Variants in MEIS2 observed in about 807,000 individuals in gnomAD.
MEIS2 encodes homeobox protein Meis2.
MEIS2 carries 9 observed loss-of-function variants against 58.6 expected under a neutral mutation model. The ratio of observed to expected loss-of-function variants is 0.15; its 90% CI spans 0.09 to 0.27. The LOEUF (loss-of-function observed/expected upper bound fraction) is 0.27, where lower values mean the gene tolerates loss of function less well. Among genes scored for constraint, MEIS2 ranks in the 10% least tolerant of loss-of-function variants. The pLI is 1.00. For missense variants in MEIS2, 427 were observed against 635.0 expected (o/e 0.67, Z 3.52); for synonymous variants, 221 against 228.4 (o/e 0.97, Z 0.29).
chr15:36,934,666 T>C (rs1009668590), intron 9 of MEIS2, among the ~76,000 whole-genome samples: 150 of 152,240 alleles, frequency 9.9e-4, no homozygotes, highest in Admixed American at 6.3e-3. Context: ...GTATGAGCTT[T>C]GCCTAGCATG....
At chr15:36,905,724 A>G (rs1165481837) in intron 9 of MEIS2, among the ~76,000 whole-genome samples, 1 of 152,236 alleles carries the variant, frequency 6.6e-6, no homozygotes, top group African/African-American at 2.4e-5. Context: ...TACTTCACAT[A>G]AGACAAATTT....
At chr15:36,895,591 G>A (rs2056133876) in intron 10 of MEIS2, among the ~76,000 whole-genome samples, 1 of 152,170 alleles carries the variant, frequency 6.6e-6, no homozygotes, top group Non-Finnish European at 1.5e-5. Context: ...GTACCATTTG[G>A]TTGGGATTCT....
chr15:37,055,690 G>T (rs140759315), intron 7 of MEIS2, among the ~76,000 whole-genome samples: 1 of 152,050 alleles, frequency 6.6e-6, no homozygotes, highest in Non-Finnish European at 1.5e-5. Context: ...TTCTTTTCTC[G>T]CTAAGGTTCA....
chr15:37,044,330 G>A (rs1359971100), intron 7 of MEIS2, among the ~76,000 whole-genome samples: 1 of 152,170 alleles, frequency 6.6e-6, no homozygotes, highest in Non-Finnish European at 1.5e-5. Context: ...TTATGTCCTA[G>A]AGAGACACGG....
At chr15:36,905,047 T>C (rs557464162) in intron 9 of MEIS2, among the ~76,000 whole-genome samples, 2 of 152,168 alleles carry the variant, frequency 1.3e-5, no homozygotes, top group South Asian at 2.1e-4. Context: ...TGTGTGTGTG[T>C]GTGCACATGT....
At chr15:37,070,731 C>A (rs977774978) in intron 7 of MEIS2, among the ~76,000 whole-genome samples, 3 of 151,964 alleles carry the variant, frequency 2.0e-5, no homozygotes, top group African/African-American at 4.8e-5. Flanking sequence ...TTAATAATTG[C>A]AACAATGCTA....
At chr15:36,952,414 A>T (rs1243095786) in intron 8 of MEIS2, among the ~76,000 whole-genome samples, 2 of 152,182 alleles carry the variant, frequency 1.3e-5, no homozygotes, top group African/African-American at 2.4e-5. Context: ...ACAAATTAAA[A>T]TGAAAATAAG....
rs891174932 is a variant in MEIS2, at chr15:37,070,869, T to G, written c.754+12902A>C. Among the ~76,000 whole-genome samples the G allele has an allele frequency of 2.0e-5, 3 of 152,216 alleles. No homozygotes were observed. In the East Asian group the frequency reaches 5.8e-4, roughly 29 times the overall value. Reference sequence around the variant, plus strand: ...TACTTTAGAGAGAATGTCAAAGCTTTATTTTTTTTAAAGAGCTATTTGAAA... The same window carrying G: ...TACTTTAGAGAGAATGTCAAAGCTTGATTTTTTTTAAAGAGCTATTTGAAA... On this transcript the variant is annotated intron_variant, in intron 7 of 11. Transcript: ENST00000561208.
chr15:37,082,965 T>A (rs539951377), intron 7 of MEIS2, among the ~76,000 whole-genome samples: 27 of 152,082 alleles, frequency 1.8e-4, no homozygotes, highest in Non-Finnish European at 3.4e-4. Context: ...ACCTAGGAGA[T>A]CAGACACCAT....
intron 7 of MEIS2, among the ~76,000 whole-genome samples, chr15:37,066,953 G>GT (rs142558507): frequency 0.013 from 1,969 of 151,250 alleles, 22 homozygotes; most frequent in Non-Finnish European, 0.017. Flanking sequence ...TAACTTTTTT[G>GT]TTTTTTTTGT....
At chr15:37,098,379 G>GAGA (rs1894604857) in intron 1 of MEIS2, 180 bp from the exon 2 acceptor site, 8 of 307,906 alleles carry the variant, frequency 2.6e-5, no homozygotes, top group East Asian at 4.4e-4. Context: ...GAGGAGAGGG[G>GAGA]GAGAGAGAGA....
intron 8 of MEIS2, among the ~76,000 whole-genome samples, chr15:37,032,533 G>GT (rs1192190960): frequency 2.0e-5 from 3 of 152,176 alleles, no homozygotes; most frequent in African/African-American, 7.2e-5. Flanking sequence ...ATTTCCCTAA[G>GT]TTTTTGTCTG....
chr15:36,995,989 A>ATATATATGTATATATATATATATATG (rs2060493581), intron 8 of MEIS2, among the ~76,000 whole-genome samples: 3 of 50,890 alleles, frequency 5.9e-5, no homozygotes, highest in Admixed American at 2.2e-4. Flanking sequence ...ATATATATAT[A>ATATATATGTATATATATATATATATG]TATATATATA....
chr15:37,085,540 A>G (rs1011298687), intron 6 of MEIS2, among the ~76,000 whole-genome samples: 1 of 152,210 alleles, frequency 6.6e-6, no homozygotes, highest in Non-Finnish European at 1.5e-5. Flanking sequence ...TTTTTGATAG[A>G]TTATGAAATA....
At position 36,952,022 on chromosome 15, in the gene MEIS2, T is replaced by C. The variant is rs74008817; in HGVS notation, c.901-1622A>G. 9.2e-3 allele frequency among the ~76,000 whole-genome samples: 1,395 copies of C among 152,242 alleles called. 18 individuals carry two copies. Among genetic ancestry groups the C allele is most frequent in the African/African-American group, 0.03 (1,259 of 41,526 alleles). On this transcript the variant is annotated intron_variant, in intron 8 of 11. Transcript: ENST00000561208. ...ACTCACACTCATTCCTGGTCATCAATCGTTGCCTGTCAGGTGCTGCACTCT... is the reference window on the plus strand; with the variant it reads ...ACTCACACTCATTCCTGGTCATCAACCGTTGCCTGTCAGGTGCTGCACTCT...
intron 8 of MEIS2, chr15:36,973,017 G>A (rs542294371): frequency 6.6e-6 from 1 of 152,174 alleles, no homozygotes; most frequent in African/African-American, 2.4e-5. Context: ...TTTACTTGTC[G>A]ATATACACCA....
intron 9 of MEIS2, among the ~76,000 whole-genome samples, chr15:36,900,110 TA>T (rs1437718366): frequency 1.3e-5 from 2 of 152,224 alleles, no homozygotes; most frequent in African/African-American, 4.8e-5. Flanking sequence ...TGCAGGCATA[TA>T]ATCTACTTTT....
At chr15:36,925,947 T>C (rs775861541) in intron 9 of MEIS2, among the ~76,000 whole-genome samples, 1 of 152,222 alleles carries the variant, frequency 6.6e-6, no homozygotes, top group Non-Finnish European at 1.5e-5. Context: ...TTTGAGCTCC[T>C]ACAAGGCTTA....
At chr15:36,898,493 C>A (rs1039024914) in intron 9 of MEIS2, 1 of 152,164 alleles carries the variant, frequency 6.6e-6, no homozygotes, top group Non-Finnish European at 1.5e-5. Flanking sequence ...TTGTGTTTTG[C>A]GTTTTTTATT....
Sources: gnomAD v4.1 joint callset for allele counts (sites outside exome capture counted in the v4.1 genomes callset) on GRCh38, gnomAD v4.1.1 for gene constraint, MANE v1.5 for transcripts, NCBI Gene and HGNC (gene_info 2026-07-23, HGNC 2026-07-21) for gene names.